Variants in VEPH1 observed in about 807,000 individuals in gnomAD.
VEPH1 encodes ventricular zone-expressed PH domain-containing protein homolog 1.
A neutral mutation model predicts 85.2 loss-of-function variants in VEPH1; 80 were observed. The observed-to-expected ratio is 0.94, with a 90% CI of 0.78 to 1.13. VEPH1 has a LOEUF of 1.13. Among genes scored for constraint, VEPH1 ranks in the 50% most tolerant of loss-of-function variants. VEPH1 has a pLI of 0.00. For missense variants in VEPH1, 955 were observed against 980.5 expected, an observed-to-expected ratio of 0.97 and a Z score of 0.35; for synonymous variants, 297 against 348.0, an observed-to-expected ratio of 0.85 and a Z score of 1.63.
intron 9 of VEPH1, among the ~76,000 whole-genome samples, chr3:157,352,470 G>T (rs1435912621): frequency 6.6e-6 from 1 of 152,198 alleles, no homozygotes; most frequent in Non-Finnish European, 1.5e-5. Flanking sequence ...GCTGATCATG[G>T]TTGGTTATGT....
intron 9 of VEPH1, among the ~76,000 whole-genome samples, chr3:157,344,238 G>T (rs1723937292): frequency 6.6e-6 from 1 of 152,160 alleles, no homozygotes; most frequent in African/African-American, 2.4e-5. Flanking sequence ...AAGTGAAATT[G>T]TCCCTGTTTG....
chr3:157,332,128 C>T lies in VEPH1; in HGVS notation c.1736-14927G>A, dbSNP rs376580331. On this transcript the variant is annotated intron_variant, in intron 9 of 13. Coordinates refer to ENST00000362010, the MANE Select transcript of VEPH1 (RefSeq NM_001167912.2). ...GTTAACCCAGACCATTCCATAATTA[C>T]ACTAATTGTATGTGTTTATTTGTGG... Among the ~76,000 whole-genome samples, 27 of 152,314 alleles carry T rather than the reference C, an allele frequency of 1.8e-4. No homozygotes were observed. The East Asian group carries it at 2.3e-3, about 13-fold the overall frequency.
In VEPH1 at chr3:157,449,047, G is replaced by C. The variant is rs574189919; in HGVS notation, c.529+11134C>G. Among the ~76,000 whole-genome samples, 77 of 152,242 alleles carry C rather than the reference G, an allele frequency of 5.1e-4. 1 individual carries two copies. In the South Asian group the frequency reaches 0.015, roughly 29 times the overall value. ...GTGCCTTTCACCTTCCACCATGATT[G>C]TGAGGCCTCCCTAGCCACGTGGAAC... On this transcript the variant is annotated intron_variant, in intron 4 of 13. Coordinates refer to ENST00000362010, the MANE Select transcript of VEPH1 (RefSeq NM_001167912.2).
At chr3:157,365,861 T>C (rs1316435353) in intron 7 of VEPH1, among the ~76,000 whole-genome samples, 1 of 152,142 alleles carries the variant, frequency 6.6e-6, no homozygotes, top group Non-Finnish European at 1.5e-5. Context: ...GTTCTTGGAA[T>C]TTTAGGGGTT....
intron 5 of VEPH1, among the ~76,000 whole-genome samples, chr3:157,414,431 G>A (rs1041430251): frequency 1.3e-5 from 2 of 152,040 alleles, no homozygotes; most frequent in African/African-American, 4.8e-5. Context: ...CACCATGAAA[G>A]CTGCAATTTA....
At chr3:157,315,806 T>C (rs914745608) in intron 10 of VEPH1, 7 of 151,954 alleles carry the variant, frequency 4.6e-5, no homozygotes, top group African/African-American at 1.7e-4. Flanking sequence ...TTGTTTTTTT[T>C]TCAGAAAACT....
chr3:157,368,738 G>A (rs1322698747), intron 7 of VEPH1, among the ~76,000 whole-genome samples: 2 of 151,928 alleles, frequency 1.3e-5, no homozygotes, highest in African/African-American at 2.4e-5. Flanking sequence ...TGATCCTCCC[G>A]CCTCGGCCAC....
rs1423448885 is a variant in VEPH1 at position 157,381,295 on chromosome 3, C to G, written c.988G>C (p.Glu330Gln). ...AAGGTGTCGGTGATGCTTTTAATCT[C>G]CAGCAGGAGAATATGGTGAAACGAA... ...EHSFHHILLL[E>Q]IKSITDTFSS... Residue 330 changes from glutamate (E) to glutamine (Q), a missense_variant, in exon 7 of 14, where the codon GAG becomes CAG. Physicochemically the swap from Glu to Gln is conservative, Grantham distance 29. Coordinates refer to ENST00000362010, the MANE Select transcript of VEPH1 (RefSeq NM_001167912.2). 6.2e-7 allele frequency: 1 copy of G among 1,614,158 alleles called. No homozygotes were observed. Among genetic ancestry groups the G allele is most frequent in the Non-Finnish European group, 8.5e-7 (1 of 1,180,032 alleles).
At position 157,386,090 on chromosome 3, in the gene VEPH1, A is replaced by G. The variant is rs76982666; in HGVS notation, c.907-4714T>C. On this transcript the variant is annotated intron_variant, in intron 6 of 13. Transcript: ENST00000362010. ...TTCCAAAACTCCAATTTTCATTTGC[A>G]AGCTCAAATTGTATCACTGGCAGCA... 1.6e-4 allele frequency among the ~76,000 whole-genome samples: 24 copies of G among 152,214 alleles called. 1 individual carries two copies. In the East Asian group the frequency reaches 4.4e-3, roughly 28 times the overall value.
chr3:157,318,368 G>A (rs1720975374), intron 9 of VEPH1, among the ~76,000 whole-genome samples: 1 of 152,168 alleles, frequency 6.6e-6, no homozygotes, highest in Non-Finnish European at 1.5e-5. Context: ...AGCTCTTTGA[G>A]AAGCCAAGGT....
At chr3:157,481,378 C>A (rs1738032934) in intron 2 of VEPH1, among the ~76,000 whole-genome samples, 1 of 135,362 alleles carries the variant, frequency 7.4e-6, no homozygotes, top group African/African-American at 2.7e-5. Context: ...ATCAAATTAC[C>A]AACATCATTT....
At chr3:157,458,702 C>T (rs139806662) in intron 4 of VEPH1, among the ~76,000 whole-genome samples, 1 of 152,246 alleles carries the variant, frequency 6.6e-6, no homozygotes, top group East Asian at 1.9e-4. Context: ...ATTGCCAAGG[C>T]TATTGTCAAG....
chr3:157,286,649 A>T lies in VEPH1; in HGVS notation c.2036T>A (p.Leu679Gln), dbSNP rs1463081483. 6.2e-7 allele frequency: 1 copy of T among 1,614,112 alleles called. No homozygotes were observed. Residue 679 changes from leucine to glutamine, a missense_variant, in exon 12 of 14, where the codon CTG (leucine) becomes CAG (glutamine). By Grantham distance (113) the Leu-to-Gln change is moderately radical. Transcript: ENST00000362010. ...QKDLDQVQLH[L>Q]EEVRFFDVFG... ...CACGTCAAAGAACCTCACTTCTTCC[A>T]GATGGAGCTGTACCTGGTCCAGATC...
At chr3:157,406,990 TCCC>T (rs1731185261) in intron 6 of VEPH1, among the ~76,000 whole-genome samples, 1 of 133,842 alleles carries the variant, frequency 7.5e-6, no homozygotes, top group African/African-American at 2.9e-5. Context: ...CAAGTTGGCC[TCCC>T]AAAAAAAAAA....
chr3:157,502,984 A>C (rs1190684288), intron 1 of VEPH1, among the ~76,000 whole-genome samples: 1 of 152,256 alleles, frequency 6.6e-6, no homozygotes, highest in Non-Finnish European at 1.5e-5. Context: ...GAGTAAAACA[A>C]AAATGCACAT....
At chr3:157,420,312 C>G (rs1345063915) in intron 5 of VEPH1, among the ~76,000 whole-genome samples, 1 of 151,962 alleles carries the variant, frequency 6.6e-6, no homozygotes, top group Non-Finnish European at 1.5e-5. Flanking sequence ...GCACATCCTG[C>G]CCATGTACCC....
intron 6 of VEPH1, among the ~76,000 whole-genome samples, chr3:157,406,826 C>T (rs897204319): frequency 3.0e-4 from 45 of 152,064 alleles, no homozygotes; most frequent in Non-Finnish European, 7.4e-5. Context: ...AGGTCTGGCA[C>T]AGAGGAGGGG....
chr3:157,347,829 T>C (rs1331275620), intron 9 of VEPH1, among the ~76,000 whole-genome samples: 1 of 152,210 alleles, frequency 6.6e-6, no homozygotes, highest in Non-Finnish European at 1.5e-5. Flanking sequence ...AAGCCCAGTT[T>C]GTAGAACTGC....
At position 157,317,151 on chromosome 3, in the gene VEPH1, C is replaced by A. The variant is rs747252298; in HGVS notation, c.1786G>T (p.Gly596Cys). Residue 596 changes from glycine (G) to cysteine (C), a missense_variant, in exon 10 of 14, where the codon GGT becomes TGT. Coordinates refer to ENST00000362010, the MANE Select transcript of VEPH1 (RefSeq NM_001167912.2). ...AKLFFTCSLK[G>C]HYCLYSKSSF... Reference sequence around the variant, plus strand: ...GACTTACTGTATAGGCAGTAATGACCCTTCAGGGAGCAGGTGAAGAACAAC... The same window carrying A: ...GACTTACTGTATAGGCAGTAATGACACTTCAGGGAGCAGGTGAAGAACAAC... 8.1e-6 allele frequency: 13 copies of A among 1,612,832 alleles called. No homozygotes were observed. In the East Asian group the frequency reaches 2.9e-4, roughly 36 times the overall value.
Sources: gnomAD v4.1 joint callset for allele counts (sites outside exome capture counted in the v4.1 genomes callset) on GRCh38, gnomAD v4.1.1 for gene constraint, MANE v1.5 for transcripts, NCBI Gene and HGNC (gene_info 2026-07-23, HGNC 2026-07-21) for gene names.